Variants in CDK15 observed in about 807,000 individuals in gnomAD.
The protein encoded by CDK15 is cyclin-dependent kinase 15.
CDK15 carries 62 observed loss-of-function variants against 60.3 expected under a neutral mutation model. The ratio of observed to expected loss-of-function variants is 1.03; its 90% CI spans 0.84 to 1.27. CDK15 has a LOEUF of 1.27. Ranked by LOEUF, CDK15 falls within the 50% of genes most tolerant of loss-of-function variation. CDK15 has a pLI of 0.00. For synonymous variants in CDK15, 194 were observed against 195.7 expected (o/e 0.99, Z 0.07); for missense variants, 541 against 527.8 (o/e 1.03, Z -0.25).
chr2:201,845,750 C>T (rs868126799), intron 8 of CDK15, among the ~76,000 whole-genome samples: 4 of 151,232 alleles, frequency 2.6e-5, no homozygotes, highest in Admixed American at 1.3e-4. Context: ...ACTTAAATTT[C>T]GTTCTTTATC....
intron 8 of CDK15, among the ~76,000 whole-genome samples, chr2:201,839,755 A>T (rs1697289882): frequency 6.6e-6 from 1 of 152,156 alleles, no homozygotes; most frequent in Non-Finnish European, 1.5e-5. Flanking sequence ...TGTTTGGAGG[A>T]TATAAGAGAG....
At chr2:201,814,688 G>A (rs1042252890) in intron 4 of CDK15, among the ~76,000 whole-genome samples, 4 of 152,154 alleles carry the variant, frequency 2.6e-5, no homozygotes, top group African/African-American at 4.8e-5. Flanking sequence ...CGAAAGGCAC[G>A]TGCAGGAAAA....
At chr2:201,869,347 G>T (rs1198904440) in intron 10 of CDK15, among the ~76,000 whole-genome samples, 1 of 151,550 alleles carries the variant, frequency 6.6e-6, no homozygotes, top group East Asian at 1.9e-4. Flanking sequence ...CTTGAACACA[G>T]GGCGGGGAAC....
intron 12 of CDK15, among the ~76,000 whole-genome samples, chr2:201,887,011 T>G: frequency 6.6e-6 from 1 of 152,258 alleles, no homozygotes; most frequent in South Asian, 2.1e-4. Context: ...AAGAAATAAT[T>G]GAATAGGGGG....
At position 201,893,485 on chromosome 2, in the gene CDK15, T is replaced by C. The variant is rs1699698440; in HGVS notation, c.*218T>C. 1 of 152,190 alleles carries C rather than the reference T, an allele frequency of 6.6e-6. No individual in the cohort carries two copies. The highest frequency in any genetic ancestry group is 1.5e-5 in the Non-Finnish European group (1 of 68,030). 9.4% of individuals were successfully genotyped at this position (152,190 alleles called of 1,614,324 possible). ...CAGTGGAAGGTTATTGCTATTGTCA[T>C]TTGCATAGAATTTAAGTGATTGATT... On this transcript the variant is annotated 3_prime_UTR_variant, in exon 14 of 14. Transcript: ENST00000652192.
At chr2:201,892,947 T>C (rs1699683589) in intron 13 of CDK15, among the ~76,000 whole-genome samples, 3 of 152,178 alleles carry the variant, frequency 2.0e-5, no homozygotes, top group African/African-American at 7.2e-5. Flanking sequence ...TACTGATGTC[T>C]ACAACAGAGA....
intron 9 of CDK15, among the ~76,000 whole-genome samples, chr2:201,847,867 T>C (rs574219067): frequency 1.3e-5 from 2 of 152,216 alleles, no homozygotes; most frequent in Non-Finnish European, 2.9e-5. Context: ...AATTTTTAGC[T>C]GGGTGCAGTG....
chr2:201,891,523 T>C (rs1457370581), intron 13 of CDK15, among the ~76,000 whole-genome samples: 3 of 152,132 alleles, frequency 2.0e-5, no homozygotes, highest in Admixed American at 1.3e-4. Flanking sequence ...CAGTCCTGGG[T>C]AAACCAGGAT....
intron 10 of CDK15, among the ~76,000 whole-genome samples, chr2:201,865,892 C>CAAAA (rs35178158): frequency 0.018 from 704 of 40,072 alleles, 127 homozygotes; most frequent in Middle Eastern, 0.065. Context: ...TCCATCTCAA[C>CAAAA]AAAAAAAAAA....
chr2:201,834,068 A>C (rs945872860), intron 7 of CDK15, 97 bp downstream of exon 7: 19 of 1,402,730 alleles, frequency 1.4e-5, no homozygotes, highest in Admixed American at 2.2e-5. Context: ...TGAAAACTGG[A>C]GGCCCAAGAA....
intron 8 of CDK15, among the ~76,000 whole-genome samples, chr2:201,841,259 TAA>T (rs1210662820): frequency 2.0e-5 from 3 of 152,248 alleles, no homozygotes; most frequent in Non-Finnish European, 1.5e-5. Context: ...ATTCTATGAA[TAA>T]GTGTTTCATG....
At chr2:201,826,322 T>G (rs1261209924) in intron 6 of CDK15, among the ~76,000 whole-genome samples, 1 of 151,824 alleles carries the variant, frequency 6.6e-6, no homozygotes, top group South Asian at 2.1e-4. Flanking sequence ...TAGCCAGGCG[T>G]GGTGGCGGGC....
chr2:201,837,613 T>G (rs1697186776), intron 8 of CDK15, among the ~76,000 whole-genome samples: 1 of 152,082 alleles, frequency 6.6e-6, no homozygotes, highest in African/African-American at 2.4e-5. Context: ...CTGTCAGACA[T>G]GCATCATCCT....
At chr2:201,818,526 G>T (rs1433605867) in intron 4 of CDK15, among the ~76,000 whole-genome samples, 3 of 152,124 alleles carry the variant, frequency 2.0e-5, no homozygotes, top group African/African-American at 7.2e-5. Flanking sequence ...CTTAAAATTA[G>T]AAGAAAGAAA....
chr2:201,875,491 A>G (rs931554178), intron 11 of CDK15, among the ~76,000 whole-genome samples: 2 of 152,172 alleles, frequency 1.3e-5, no homozygotes, highest in Non-Finnish European at 2.9e-5. Flanking sequence ...ACCCACAAAG[A>G]TTTCTCTTTG....
chr2:201,822,710 T>C lies in CDK15; in HGVS notation c.449-99T>C, dbSNP rs113317326. The stretch of plus-strand genomic sequence containing the variant: ...TTCCAGCAGTAAAATAACCAGAATG[T>C]TTGATTTGAAATGTTGAAAAAATAT... On this transcript the variant is annotated intron_variant, in intron 4 of 13. Coordinates refer to ENST00000652192, the MANE Select transcript of CDK15 (RefSeq NM_001366386.2). 48 of 647,546 alleles carry C rather than the reference T, an allele frequency of 7.4e-5. No individual in the cohort carries two copies. In the African/African-American group the frequency reaches 8.4e-4, roughly 11 times the overall value. The allele number at this position is 647,546 out of a possible 1,614,324, so 40.1% of individuals were successfully genotyped here. A position where few individuals can be genotyped will look rare whatever the true frequency, so the allele number is the denominator to read the frequency against.
chr2:201,855,006 C>A, intron 10 of CDK15, 69 bp downstream of exon 10: 1 of 1,432,344 alleles, frequency 7.0e-7, no homozygotes, highest in Non-Finnish European at 9.8e-7. Flanking sequence ...GCCACGCTAA[C>A]AGGGCGTTCT....
At chr2:201,806,914 A>C (rs1574838274) in intron 1 of CDK15, 127 bp downstream of exon 1, 3 of 1,112,418 alleles carry the variant, frequency 2.7e-6, no homozygotes, top group East Asian at 2.8e-5. Flanking sequence ...AATTCTATTA[A>C]AGTCACAGAA....
chr2:201,836,168 AT>A lies in CDK15; in HGVS notation c.851+408del, dbSNP rs56169400. Among the ~76,000 whole-genome samples, 357 of 100,476 alleles carry A rather than the reference AT, an allele frequency of 3.6e-3. 3 individuals carry two copies. The highest frequency in any genetic ancestry group is 6.1e-3 in the South Asian group (22 of 3,602). The allele number at this position is 100,476 out of a possible 152,430, so 65.9% of individuals were successfully genotyped here. A position where few individuals can be genotyped will look rare whatever the true frequency, so the allele number is the denominator to read the frequency against. On this transcript the variant is annotated intron_variant, in intron 8 of 13. Coordinates refer to ENST00000652192, the MANE Select transcript of CDK15 (RefSeq NM_001366386.2). The stretch of plus-strand genomic sequence containing the variant: ...TTATATATATTTTATATATTTATAT[AT>A]TTATATATTATATATATTTTTTTAT...
Sources: gnomAD v4.1 joint callset for allele counts (sites outside exome capture counted in the v4.1 genomes callset) on GRCh38, gnomAD v4.1.1 for gene constraint, MANE v1.5 for transcripts, NCBI Gene and HGNC (gene_info 2026-07-23, HGNC 2026-07-21) for gene names.